Variants in THOC2 observed in about 807,000 individuals in gnomAD.
THOC2 encodes the protein THO complex 2.
Under a neutral mutation model 128.4 loss-of-function variants are expected in THOC2, and 10 were observed. That is an observed-to-expected ratio of 0.08 (90% confidence interval 0.05 to 0.13). The LOEUF is 0.13. Ranked by LOEUF, THOC2 falls within the 10% of genes least tolerant of loss-of-function variation. THOC2 has a pLI of 1.00. For missense variants in THOC2, 535 were observed against 1,155.7 expected, an observed-to-expected ratio of 0.46 and a Z score of 7.79; for synonymous variants, 393 against 396.9, an observed-to-expected ratio of 0.99 and a Z score of 0.12.
chrX:123,607,991 A>T (rs1422013337), intron 38 of THOC2, among the ~76,000 whole-genome samples: 1 of 111,069 alleles, frequency 9.0e-6, no homozygotes, highest in African/African-American at 3.3e-5. Flanking sequence ...GCTCATGCCT[A>T]CAATCCCAGC....
At chrX:123,606,297 A>C (rs1225533825) in intron 38 of THOC2, among the ~76,000 whole-genome samples, 2 of 108,902 alleles carry the variant, frequency 1.8e-5, no homozygotes, top group Non-Finnish European at 3.8e-5. Flanking sequence ...AAAGAAAGAA[A>C]GAAAGAAAGA....
intron 38 of THOC2, among the ~76,000 whole-genome samples, chrX:123,609,778 C>A (rs1175002713): frequency 1.8e-5 from 2 of 111,535 alleles, no homozygotes; most frequent in African/African-American, 6.5e-5. Context: ...CACATGTAAT[C>A]CCAGCACTTC....
intron 8 of THOC2, among the ~76,000 whole-genome samples, chrX:123,685,307 G>A (rs1349458547): frequency 1.8e-5 from 2 of 112,414 alleles, no homozygotes; most frequent in East Asian, 2.8e-4. Context: ...TTTATTCTAA[G>A]ATAATCTGAT....
intron 1 of THOC2, among the ~76,000 whole-genome samples, chrX:123,728,818 C>G (rs2052107410): frequency 8.9e-6 from 1 of 112,069 alleles, no homozygotes; most frequent in Non-Finnish European, 1.9e-5. Flanking sequence ...TAATTGATAC[C>G]TAAATAAGCT....
intron 1 of THOC2, among the ~76,000 whole-genome samples, chrX:123,722,205 T>A (rs1569453188): frequency 8.9e-6 from 1 of 111,785 alleles, no homozygotes; most frequent in East Asian, 2.8e-4. Context: ...GACTCAGCAA[T>A]CCCATTACTG....
chrX:123,682,905 A>C (rs1162956782), intron 8 of THOC2, among the ~76,000 whole-genome samples: 1 of 110,740 alleles, frequency 9.0e-6, no homozygotes, highest in Non-Finnish European at 1.9e-5. Flanking sequence ...TATGGATGAG[A>C]CCTATCACCT....
In THOC2 at chrX:123,603,258, C is replaced by T. The variant is rs773114900; in HGVS notation, c.*19-1920G>A. The T allele has an allele frequency of 2.2e-4, 32 of 147,925 alleles. No individual in the cohort carries two copies. In the South Asian group the frequency reaches 6.3e-3, roughly 29 times the overall value. The allele number at this position is 147,925 out of a possible 1,213,427, so 12.2% of individuals were successfully genotyped here. Reference sequence around the variant, plus strand: ...AATTGCTGTTGCTGTTAAAACACGTCAAGAACGTCTTCCCCAGGAACTGAA... The same window carrying T: ...AATTGCTGTTGCTGTTAAAACACGTTAAGAACGTCTTCCCCAGGAACTGAA... On this transcript the variant is annotated intron_variant, in intron 38 of 38. Coordinates refer to ENST00000245838, the MANE Select transcript of THOC2 (RefSeq NM_001081550.2).
chrX:123,644,315 A>G (rs2048041370), intron 15 of THOC2, among the ~76,000 whole-genome samples: 1 of 112,142 alleles, frequency 8.9e-6, no homozygotes, highest in African/African-American at 3.2e-5. Flanking sequence ...TTCATCCCAT[A>G]ATATGATGCA....
intron 7 of THOC2, among the ~76,000 whole-genome samples, chrX:123,695,797 A>G (rs942263033): frequency 1.8e-5 from 2 of 111,582 alleles, no homozygotes; most frequent in Non-Finnish European, 3.8e-5. Context: ...GCAGGACCTA[A>G]TATTAACATA....
intron 3 of THOC2, among the ~76,000 whole-genome samples, chrX:123,703,890 T>TAAAAAAAAAA (rs774877149): frequency 0.11 from 4,172 of 36,768 alleles, 327 homozygotes; most frequent in Admixed American, 0.14. Context: ...ACTCTGTCTT[T>TAAAAAAAAAA]AAAAAAAAAA....
intron 1 of THOC2, among the ~76,000 whole-genome samples, chrX:123,720,887 G>C (rs1336043315): frequency 9.0e-6 from 1 of 111,470 alleles, no homozygotes; most frequent in African/African-American, 3.3e-5. Context: ...AAAGTAGAAT[G>C]GTGGTTGTCA....
intron 3 of THOC2, among the ~76,000 whole-genome samples, chrX:123,705,685 A>G (rs1043033090): frequency 9.0e-6 from 1 of 110,586 alleles, no homozygotes; most frequent in Admixed American, 9.7e-5. Flanking sequence ...CACAACAGCT[A>G]AACTTAGAAT....
At chrX:123,690,068 T>C (rs1208748391) in intron 7 of THOC2, among the ~76,000 whole-genome samples, 1 of 111,276 alleles carries the variant, frequency 9.0e-6, no homozygotes, top group African/African-American at 3.3e-5. Flanking sequence ...TTATGCCTTT[T>C]GAGGAACAAA....
At chrX:123,695,839 A>C (rs2050426966) in intron 7 of THOC2, among the ~76,000 whole-genome samples, 182 bp downstream of exon 7, 1 of 111,187 alleles carries the variant, frequency 9.0e-6, no homozygotes, top group Non-Finnish European at 1.9e-5. Flanking sequence ...TTTCTCACAA[A>C]TATCATGCTA....
chrX:123,676,705 A>G (rs2147837377), intron 8 of THOC2, among the ~76,000 whole-genome samples: 1 of 110,837 alleles, frequency 9.0e-6, no homozygotes, highest in African/African-American at 3.3e-5. Flanking sequence ...AGCCTCTGTC[A>G]CTCTCTCTGA....
At chrX:123,652,460 G>C (rs1473835816) in intron 12 of THOC2, among the ~76,000 whole-genome samples, 1 of 111,539 alleles carries the variant, frequency 9.0e-6, no homozygotes, top group Non-Finnish European at 1.9e-5. Context: ...AGAAATAAAG[G>C]GTACTGAAAT....
In THOC2 at chrX:123,631,673, G is replaced by A. The variant is rs1430118446; in HGVS notation, c.2481+15C>T. 1 of 1,203,143 alleles carries A rather than the reference G, an allele frequency of 8.3e-7. No individual in the cohort carries two copies. The highest frequency in any genetic ancestry group is 2.2e-5 in the Admixed American group (1 of 44,673). On this transcript the variant is annotated intron_variant, in intron 22 of 38. Transcript: ENST00000245838. ...TGGATCGTTCTTGAGCGGCAGCAAAGACACTTGTACTTACCGAAATATGAT... is the reference window on the plus strand; with the variant it reads ...TGGATCGTTCTTGAGCGGCAGCAAAAACACTTGTACTTACCGAAATATGAT...
intron 38 of THOC2, among the ~76,000 whole-genome samples, chrX:123,605,405 A>G (rs1347858952): frequency 1.8e-5 from 2 of 111,760 alleles, no homozygotes; most frequent in Non-Finnish European, 3.8e-5. Context: ...TATTTTTTTT[A>G]AGTATAAAAG....
rs142927948 is a variant in THOC2, at chrX:123,644,500, G to C, written c.1661+75C>G. On this transcript the variant is annotated intron_variant, in intron 15 of 38. Transcript: ENST00000245838. Reference sequence around the variant, plus strand: ...TAGGCTTTCCCAAAACTGAGGCTCAGACAAGCTACCTGAAAGAAAGTATAT... The same window carrying C: ...TAGGCTTTCCCAAAACTGAGGCTCACACAAGCTACCTGAAAGAAAGTATAT... 864 of 789,328 alleles carry C rather than the reference G, an allele frequency of 1.1e-3. 7 individuals are homozygous for C. In the African/African-American group the frequency reaches 0.015, roughly 14 times the overall value. The allele number at this position is 789,328 out of a possible 1,213,427, so 65.0% of individuals were successfully genotyped here. A position where few individuals can be genotyped will look rare whatever the true frequency, so the allele number is the denominator to read the frequency against.
Sources: allele counts gnomAD v4.1 joint callset (sites outside exome capture counted in the v4.1 genomes callset), GRCh38; gene constraint gnomAD v4.1.1; transcripts MANE v1.5; gene names NCBI Gene and HGNC (gene_info 2026-07-23, HGNC 2026-07-21).